Variants in HORMAD2 observed in about 807,000 individuals in gnomAD.
HORMAD2 encodes HORMA domain containing 2.
In HORMAD2, 45 loss-of-function variants were observed where a neutral mutation model predicts 38.8. That is an observed-to-expected ratio of 1.16 (90% CI 0.91 to 1.49). The LOEUF (loss-of-function observed/expected upper bound fraction) is 1.49, where lower values mean the gene tolerates loss of function less well. HORMAD2 is among the 40% of genes most tolerant of loss of function. HORMAD2 has a pLI of 0.00. For synonymous variants in HORMAD2, 126 were observed against 122.8 expected, an observed-to-expected ratio of 1.03 and a Z score of -0.17; for missense variants, 338 against 367.0, an observed-to-expected ratio of 0.92 and a Z score of 0.65.
intron 10 of HORMAD2, among the ~76,000 whole-genome samples, chr22:30,165,573 T>C (rs192781701): frequency 5.3e-5 from 8 of 152,304 alleles, no homozygotes; most frequent in Non-Finnish European, 4.4e-5. Flanking sequence ...TTTTATACAT[T>C]TTATATGTTG....
At chr22:30,206,715 C>T in the HORMAD2 span, among the ~76,000 whole-genome samples, 1 of 151,366 alleles carries the variant, frequency 6.6e-6, no homozygotes, top group Admixed American at 6.6e-5. Flanking sequence ...CTCCTGGGCT[C>T]AAGTGATCCT....
chr22:30,170,596 A>G (rs552661630), intron 10 of HORMAD2, among the ~76,000 whole-genome samples: 7 of 152,220 alleles, frequency 4.6e-5, no homozygotes, highest in Admixed American at 3.3e-4. Flanking sequence ...CTACCATCTC[A>G]TATATTTTCC....
chr22:30,150,363 T>C (rs1924674816), intron 10 of HORMAD2, among the ~76,000 whole-genome samples: 3 of 152,210 alleles, frequency 2.0e-5, no homozygotes, highest in African/African-American at 4.8e-5. Context: ...CTTCCCTTTT[T>C]ATGGCATCCT....
intron 10 of HORMAD2, among the ~76,000 whole-genome samples, chr22:30,135,870 A>G (rs1343257541): frequency 6.6e-6 from 1 of 152,244 alleles, no homozygotes; most frequent in African/African-American, 2.4e-5. Context: ...TCAAACATTC[A>G]ACAATGTAAC....
At chr22:30,130,988 T>G (rs573475936) in intron 10 of HORMAD2, among the ~76,000 whole-genome samples, 1 of 152,072 alleles carries the variant, frequency 6.6e-6, no homozygotes, top group African/African-American at 2.4e-5. Context: ...CCCTGGGAAG[T>G]TGTTTTTTTT....
chr22:30,162,318 T>TACACACACAC (rs71198531), intron 10 of HORMAD2, among the ~76,000 whole-genome samples: 15 of 147,970 alleles, frequency 1.0e-4, no homozygotes, highest in African/African-American at 2.2e-4. Context: ...CGTCTCAAAA[T>TACACACACAC]ACACACACAC....
the HORMAD2 span, among the ~76,000 whole-genome samples, chr22:30,205,539 C>T: frequency 6.6e-6 from 1 of 152,142 alleles, no homozygotes; most frequent in Non-Finnish European, 1.5e-5. Context: ...CCCAACAGCC[C>T]CAGCACAGAG....
intron 1 of HORMAD2, among the ~76,000 whole-genome samples, chr22:30,085,732 G>A (rs2068559091): frequency 6.6e-6 from 1 of 152,192 alleles, no homozygotes; most frequent in African/African-American, 2.4e-5. Flanking sequence ...TCACCTGGGT[G>A]ACACAGTGAG....
At chr22:30,122,235 T>C (rs1336587233) in intron 10 of HORMAD2, 21 bp downstream of exon 10, 1 of 1,590,320 alleles carries the variant, frequency 6.3e-7, no homozygotes, top group East Asian at 2.2e-5. Context: ...GCTTTAGAGA[T>C]TTTCTATCGT....
chr22:30,118,185 T>C (rs1230926361), intron 7 of HORMAD2, among the ~76,000 whole-genome samples: 1 of 152,124 alleles, frequency 6.6e-6, no homozygotes, highest in Non-Finnish European at 1.5e-5. Context: ...CCCCTTACCA[T>C]AGCCAACAAG....
At chr22:30,198,701 C>A in the HORMAD2 span, among the ~76,000 whole-genome samples, 10 of 152,164 alleles carry the variant, frequency 6.6e-5, no homozygotes, top group Non-Finnish European at 1.2e-4. Context: ...CTCATCCTCG[C>A]TTCACCCCAC....
intron 10 of HORMAD2, among the ~76,000 whole-genome samples, chr22:30,125,297 A>G (rs1238180615): frequency 2.3e-5 from 3 of 128,194 alleles, no homozygotes; most frequent in Non-Finnish European, 3.1e-5. Flanking sequence ...GCACAATCTC[A>G]GCTCACGGTA....
chr22:30,203,236 T>A, the HORMAD2 span, among the ~76,000 whole-genome samples: 217 of 54,840 alleles, frequency 4.0e-3, no homozygotes, highest in Non-Finnish European at 0.011. Context: ...ATCTACAAAA[T>A]ATACAAAAAT....
chr22:30,126,158 A>G (rs548080138), intron 10 of HORMAD2, among the ~76,000 whole-genome samples: 1 of 152,162 alleles, frequency 6.6e-6, no homozygotes, highest in South Asian at 2.1e-4. Context: ...ACATGGAATC[A>G]TAGAGTATGG....
At chr22:30,139,503 T>C (rs1285750620) in intron 10 of HORMAD2, among the ~76,000 whole-genome samples, 5 of 151,834 alleles carry the variant, frequency 3.3e-5, no homozygotes, top group African/African-American at 1.2e-4. Context: ...TTTAGAGGAT[T>C]CCTGAGGATT....
intron 5 of HORMAD2, among the ~76,000 whole-genome samples, chr22:30,108,724 A>G (rs1473236241): frequency 6.6e-6 from 1 of 152,142 alleles, no homozygotes; most frequent in Non-Finnish European, 1.5e-5. Flanking sequence ...CTCCCCTGCT[A>G]GTCTAAATGT....
rs1305458959 is a variant in HORMAD2, at chr22:30,176,051, T to C, written c.820-12T>C. 2 of 1,580,136 alleles carry C rather than the reference T, an allele frequency of 1.3e-6. No individual in the cohort carries two copies. The highest frequency in any genetic ancestry group is 1.3e-5 in the African/African-American group (1 of 74,184). On this transcript the variant is annotated splice_polypyrimidine_tract_variant and intron_variant, in intron 10 of 10. Transcript: ENST00000336726. ...TCTGCTGAATTGTGCCTCTCTCTGG[T>C]GATTCTCACAGATTCAAAGAATGAA...
intron 5 of HORMAD2, chr22:30,105,088 G>C (rs1318779354): frequency 1.2e-5 from 2 of 162,388 alleles, no homozygotes; most frequent in Non-Finnish European, 2.7e-5. Context: ...GGGCAAGGCA[G>C]GGGGCTCAGT....
chr22:30,194,023 T>C, the HORMAD2 span, among the ~76,000 whole-genome samples: 2 of 152,172 alleles, frequency 1.3e-5, no homozygotes. Context: ...CTGCAGAGAA[T>C]ACAGCCCCTT....
Sources: allele counts gnomAD v4.1 joint callset (sites outside exome capture counted in the v4.1 genomes callset), GRCh38; gene constraint gnomAD v4.1.1; transcripts MANE v1.5; gene names NCBI Gene and HGNC (gene_info 2026-07-23, HGNC 2026-07-21).